PRTG: variants seen among roughly 807,000 people sequenced by gnomAD.
PRTG encodes immunoglobulin superfamily, DCC subclass, member 5.
PRTG carries 67 observed loss-of-function variants against 122.5 expected under a neutral mutation model. The ratio of observed to expected loss-of-function variants is 0.55; its 90% CI spans 0.45 to 0.67. The LOEUF (loss-of-function observed/expected upper bound fraction) is 0.67. Ranked by LOEUF, PRTG falls within the 30% of genes least tolerant of loss-of-function variation. The pLI is 0.00. For synonymous variants in PRTG, 554 were observed against 501.1 expected (o/e 1.11, Z -1.41); for missense variants, 1,435 against 1,415.4 (o/e 1.01, Z -0.22).
intron 2 of PRTG, chr15:55,738,193 C>T (rs1595688964): frequency 4.0e-6 from 1 of 250,546 alleles, no homozygotes; most frequent in South Asian, 1.7e-4. Context: ...AATATAAAAA[C>T]TTCACCACAA....
intron 2 of PRTG, among the ~76,000 whole-genome samples, chr15:55,703,585 T>C (rs776413062): frequency 5.9e-5 from 9 of 152,132 alleles, no homozygotes; most frequent in Non-Finnish European, 1.3e-4. Flanking sequence ...GCAAAATAAA[T>C]AGGAACAGGT....
rs148203917 is a variant in PRTG, at chr15:55,643,297, G to A, written c.2042-2089C>T. On this transcript the variant is annotated intron_variant, in intron 11 of 19. Coordinates refer to ENST00000389286, the MANE Select transcript of PRTG (RefSeq NM_173814.6). ...AGAAAACTTCTAACCTTTCTAGATA[G>A]AAAGGTAAGAAGACTAACCTAGCAT... 3.0e-3 allele frequency among the ~76,000 whole-genome samples: 449 copies of A among 152,186 alleles called. 3 individuals are homozygous for A. Among genetic ancestry groups the A allele is most frequent in the African/African-American group, 0.01 (435 of 41,502 alleles).
At chr15:55,656,877 A>C (rs561184753) in intron 11 of PRTG, among the ~76,000 whole-genome samples, 15 of 152,218 alleles carry the variant, frequency 9.9e-5, no homozygotes, top group Non-Finnish European at 2.1e-4. Context: ...TCTATATACA[A>C]ATGTTTATAT....
At chr15:55,662,943 T>A (rs2059418092) in intron 11 of PRTG, among the ~76,000 whole-genome samples, 5 of 152,176 alleles carry the variant, frequency 3.3e-5, no homozygotes, top group African/African-American at 1.2e-4. Context: ...ACCCATATAT[T>A]AAGCTGCTAT....
At chr15:55,700,389 T>C (rs929793810) in intron 2 of PRTG, among the ~76,000 whole-genome samples, 1 of 152,200 alleles carries the variant, frequency 6.6e-6, no homozygotes, top group Non-Finnish European at 1.5e-5. Flanking sequence ...CAGAAAAATC[T>C]TTGTGTCCTG....
chr15:55,642,191 A>C (rs1199457489), intron 11 of PRTG, among the ~76,000 whole-genome samples: 1 of 151,110 alleles, frequency 6.6e-6, no homozygotes, highest in African/African-American at 2.4e-5. Context: ...AAAAAAAAAA[A>C]AAAAAAAAAA....
chr15:55,687,953 T>C (rs187727160), intron 2 of PRTG, among the ~76,000 whole-genome samples: 21 of 152,252 alleles, frequency 1.4e-4, no homozygotes, highest in South Asian at 4.1e-4. Flanking sequence ...CCAATCCCAA[T>C]CTCTTCCCTC....
intron 12 of PRTG, chr15:55,640,096 T>C: frequency 1.6e-5 from 6 of 374,766 alleles, no homozygotes; most frequent in Non-Finnish European, 2.2e-5. Context: ...GATTTCATCA[T>C]TCTGTGGCTG....
In PRTG at chr15:55,619,914, G is replaced by A. The variant is rs1438495107; in HGVS notation, c.*98C>T. On this transcript the variant is annotated 3_prime_UTR_variant, in exon 20 of 20. Transcript: ENST00000389286. The stretch of plus-strand genomic sequence containing the variant: ...CATAGCATGGCAGATGGCGGCTGCA[G>A]AACTAAGGAGGAAGTCTGCTCACTA... The A allele has an allele frequency of 6.5e-7, 1 of 1,548,670 alleles. No homozygotes were observed. The highest frequency in any genetic ancestry group is 8.7e-7 in the Non-Finnish European group (1 of 1,149,078).
rs1417493132 is a variant in PRTG, at chr15:55,618,551, TAA to T, written c.*1459_*1460del. 2 of 152,182 alleles carry T rather than the reference TAA, an allele frequency of 1.3e-5. No homozygotes were observed. Among genetic ancestry groups the T allele is most frequent in the Non-Finnish European group, 2.9e-5 (2 of 68,046 alleles). The allele number at this position is 152,182 out of a possible 1,614,324, so 9.4% of individuals were successfully genotyped here. ...AAAAGGCCTATGTTATGTAGCTGAG[TAA>T]ACAATTTGCTGATTTCAAACCTGCA... is the stretch of plus-strand genomic sequence containing the variant. On this transcript the variant is annotated 3_prime_UTR_variant, in exon 20 of 20. Transcript: ENST00000389286.
At chr15:55,739,309 A>G (rs188735579) in intron 2 of PRTG, among the ~76,000 whole-genome samples, 88 of 149,104 alleles carry the variant, frequency 5.9e-4, no homozygotes, top group Non-Finnish European at 1.1e-3. Context: ...ACTATTTCCC[A>G]GGCTGGACTC....
At chr15:55,640,327 A>G (rs761848876) in intron 12 of PRTG, among the ~76,000 whole-genome samples, 15 of 152,254 alleles carry the variant, frequency 9.9e-5, no homozygotes, top group Non-Finnish European at 2.1e-4. Flanking sequence ...CATAGGTGAT[A>G]GGAATTTTTC....
At chr15:55,718,936 G>A (rs551637049) in intron 2 of PRTG, among the ~76,000 whole-genome samples, 1 of 152,026 alleles carries the variant, frequency 6.6e-6, no homozygotes, top group African/African-American at 2.4e-5. Context: ...GTAGAGACGG[G>A]GTTTCACTGT....
chr15:55,717,704 T>G (rs756784420), intron 2 of PRTG, among the ~76,000 whole-genome samples: 14 of 152,248 alleles, frequency 9.2e-5, no homozygotes, highest in Non-Finnish European at 1.8e-4. Context: ...AAGTTTTGTT[T>G]TACTTGCTTT....
chr15:55,709,328 A>T (rs1293183663), intron 2 of PRTG, among the ~76,000 whole-genome samples: 12 of 147,224 alleles, frequency 8.2e-5, no homozygotes, highest in South Asian at 2.1e-4. Context: ...AAGTTTTTTT[A>T]AAAAAAGTTT....
chr15:55,672,472 C>T lies in PRTG; in HGVS notation c.2014G>A (p.Asp672Asn). The T allele has an allele frequency of 6.2e-7, 1 of 1,614,022 alleles. No homozygotes were observed. Among genetic ancestry groups the T allele is most frequent in the Non-Finnish European group, 8.5e-7 (1 of 1,179,950 alleles). The change falls in exon 11 of 20, where the codon GAC becomes AAC. Residue 672 changes from aspartate to asparagine, a missense_variant. Asp to Asn is a conservative substitution (Grantham distance 23). Coordinates refer to ENST00000389286, the MANE Select transcript of PRTG (RefSeq NM_173814.6). The part of the protein sequence containing the change: ...ENGPIFLDTK[D>N]LLYTLSGLDP... ...AAGCCACTGAGAGTATAGAGTAGGT[C>T]CTTGGTATCCAAGAAAATGGGCCCA...
At chr15:55,678,187 CTA>C (rs1333918330) in intron 7 of PRTG, 143 bp from the exon 8 acceptor site, 1 of 592,090 alleles carries the variant, frequency 1.7e-6, no homozygotes, top group African/African-American at 1.9e-5. Flanking sequence ...ACTGCAGCAA[CTA>C]TGTGGAATCC....
At chr15:55,633,562 A>G (rs2059239565) in intron 15 of PRTG, among the ~76,000 whole-genome samples, 1 of 152,222 alleles carries the variant, frequency 6.6e-6, no homozygotes, top group South Asian at 2.1e-4. Context: ...ATATATATGT[A>G]AATATGTATA....
intron 2 of PRTG, 46 bp from the exon 3 acceptor site, chr15:55,683,977 A>G: frequency 6.5e-7 from 1 of 1,537,766 alleles, no homozygotes; most frequent in Non-Finnish European, 8.9e-7. Flanking sequence ...CATGAAAATA[A>G]CACTTAGAAG....
Sources: allele counts gnomAD v4.1 joint callset (sites outside exome capture counted in the v4.1 genomes callset), GRCh38; gene constraint gnomAD v4.1.1; transcripts MANE v1.5; gene names NCBI Gene and HGNC (gene_info 2026-07-23, HGNC 2026-07-21).